The following LIFR variants were observed in gnomAD, a reference collection of about 807,000 sequenced individuals.
LIFR encodes the protein leukemia inhibitory factor receptor.
Under a neutral mutation model 122.2 loss-of-function variants are expected in LIFR, and 84 were observed. The ratio of observed to expected loss-of-function variants is 0.69; its 90% confidence interval spans 0.58 to 0.82. The LOEUF is 0.82. Ranked by LOEUF, LIFR falls within the 40% of genes least tolerant of loss-of-function variation. The pLI is 0.00. For synonymous variants in LIFR, 422 were observed against 434.7 expected (o/e 0.97, Z 0.36); for missense variants, 1,294 against 1,311.6 (o/e 0.99, Z 0.21).
intron 1 of LIFR, among the ~76,000 whole-genome samples, chr5:38,567,387 T>C (rs1217882298): frequency 6.6e-6 from 1 of 152,082 alleles, no homozygotes; most frequent in Admixed American, 6.5e-5. Context: ...CGTTTCTCTG[T>C]CTCTCATTCT....
At chr5:38,526,273 A>G (rs1746674316) in intron 4 of LIFR, among the ~76,000 whole-genome samples, 1 of 152,154 alleles carries the variant, frequency 6.6e-6, no homozygotes, top group South Asian at 2.1e-4. Flanking sequence ...ACATAAGAAG[A>G]TAAGAGTATT....
chr5:38,540,654 G>A (rs1747542824), intron 1 of LIFR, among the ~76,000 whole-genome samples: 1 of 152,134 alleles, frequency 6.6e-6, no homozygotes, highest in East Asian at 1.9e-4. Context: ...CGAGCGGCCA[G>A]TACAGCCACA....
chr5:38,486,879 T>A (rs1219768842), intron 16 of LIFR, among the ~76,000 whole-genome samples: 1 of 152,244 alleles, frequency 6.6e-6, no homozygotes, highest in Non-Finnish European at 1.5e-5. Context: ...TGGATTACTA[T>A]GATTATATAA....
At chr5:38,552,385 G>A (rs952369880) in intron 1 of LIFR, among the ~76,000 whole-genome samples, 2 of 152,118 alleles carry the variant, frequency 1.3e-5, no homozygotes, top group African/African-American at 2.4e-5. Context: ...TTGGGAAAAG[G>A]AAATGCCACA....
intron 9 of LIFR, among the ~76,000 whole-genome samples, chr5:38,505,435 C>CAA (rs1462666597): frequency 6.6e-6 from 1 of 151,698 alleles, no homozygotes; most frequent in African/African-American, 2.4e-5. Flanking sequence ...CACACACACA[C>CAA]ACACACACAC....
At chr5:38,565,555 T>C (rs1748992408) in intron 1 of LIFR, among the ~76,000 whole-genome samples, 1 of 151,386 alleles carries the variant, frequency 6.6e-6, no homozygotes, top group South Asian at 2.1e-4. Flanking sequence ...AAGCATCAAG[T>C]GGATAAAATA....
rs191827634 is a variant in LIFR, at chr5:38,502,093, T to C, written c.1600+544A>G. 9.9e-5 allele frequency among the ~76,000 whole-genome samples: 15 copies of C among 152,116 alleles called. No individual in the cohort carries two copies. In the East Asian group the frequency reaches 2.5e-3, roughly 26 times the overall value. The stretch of plus-strand genomic sequence containing the variant: ...CATTATCGTAATATGGTGGCAATCA[T>C]AGTATAGATAGAGGAGCCCTGGCTT... On this transcript the variant is annotated intron_variant, in intron 11 of 19. Transcript: ENST00000453190.
intron 2 of LIFR, among the ~76,000 whole-genome samples, chr5:38,604,507 G>T (rs1479796007): frequency 6.6e-6 from 1 of 152,074 alleles, no homozygotes; most frequent in African/African-American, 2.4e-5. Flanking sequence ...AGGAGTTTGA[G>T]ACCAGCCTGG....
chr5:38,552,613 CT>C (rs1367797104), intron 1 of LIFR, among the ~76,000 whole-genome samples: 1 of 152,174 alleles, frequency 6.6e-6, no homozygotes, highest in Non-Finnish European at 1.5e-5. Flanking sequence ...TTCTGAAAAT[CT>C]CTCATAAATC....
At chr5:38,583,801 G>A (rs1749663843) in intron 1 of LIFR, among the ~76,000 whole-genome samples, 1 of 152,144 alleles carries the variant, frequency 6.6e-6, no homozygotes, top group Non-Finnish European at 1.5e-5. Context: ...TGTTGTGGGA[G>A]GGATCCAGTG....
intron 1 of LIFR, among the ~76,000 whole-genome samples, chr5:38,578,759 G>A (rs1161101487): frequency 1.3e-5 from 2 of 152,094 alleles, no homozygotes; most frequent in Admixed American, 1.3e-4. Flanking sequence ...GTTTCACCAT[G>A]TTGGATAGGC....
intron 1 of LIFR, among the ~76,000 whole-genome samples, chr5:38,542,250 T>C (rs908829067): frequency 6.6e-6 from 1 of 152,214 alleles, no homozygotes; most frequent in African/African-American, 2.4e-5. Flanking sequence ...CTTGAACGTT[T>C]AGCAACTTGA....
In LIFR at chr5:38,492,999, G is replaced by A. The variant is rs543499952; in HGVS notation, c.2065+607C>T. 3.9e-5 allele frequency among the ~76,000 whole-genome samples: 6 copies of A among 152,246 alleles called. No individual in the cohort carries two copies. In the East Asian group the frequency reaches 7.7e-4, roughly 20 times the overall value. On this transcript the variant is annotated intron_variant, in intron 14 of 19. Transcript: ENST00000453190. The stretch of plus-strand genomic sequence containing the variant: ...TGCATCCCATAGAGGGACACTCACC[G>A]GCAGCTCACAAGCTCCTGAGCATCA...
chr5:38,597,211 T>C (rs1180715197), upstream of LIFR, among the ~76,000 whole-genome samples: 1 of 152,110 alleles, frequency 6.6e-6, no homozygotes, highest in Non-Finnish European at 1.5e-5. Flanking sequence ...ACAAGAACAT[T>C]GGGTGGTGAG....
In LIFR at chr5:38,481,715, T is replaced by G. The variant is rs1743994800; in HGVS notation, c.3174A>C (p.Gly1058=). 1 of 1,614,040 alleles carries G rather than the reference T, an allele frequency of 6.2e-7. No individual in the cohort carries two copies. Among genetic ancestry groups the G allele is most frequent in the Admixed American group, 1.7e-5 (1 of 60,002 alleles). ...GTCGGGAATTAATGGAGCATGGACT[T>G]CCAAATGAGACAATCTCACTGTTGC... is the stretch of plus-strand genomic sequence containing the variant. The part of the protein sequence containing the change: ...IDSNSEIVSF[G]SPCSINSRQF... Residue 1058 remains glycine (G), a synonymous_variant, in exon 20 of 20, where the codon GGA becomes GGC. Transcript: ENST00000453190.
intron 1 of LIFR, chr5:38,550,246 C>G: frequency 1.0e-6 from 1 of 976,534 alleles, no homozygotes; most frequent in Non-Finnish European, 1.2e-6. Context: ...CAATCATATC[C>G]CCATATGGCC....
chr5:38,582,058 C>CTTTT (rs35430300), intron 1 of LIFR, among the ~76,000 whole-genome samples: 2 of 145,214 alleles, frequency 1.4e-5, no homozygotes. Flanking sequence ...TTTTTTTTTC[C>CTTTT]TTTTTTTTTT....
chr5:38,530,168 C>A (rs1746925510), intron 2 of LIFR, among the ~76,000 whole-genome samples: 1 of 152,126 alleles, frequency 6.6e-6, no homozygotes, highest in African/African-American at 2.4e-5. Context: ...TACAGAGGAG[C>A]CAGGAAGCTT....
chr5:38,525,356 T>C lies in LIFR; in HGVS notation c.398-1774A>G, dbSNP rs149347404. On this transcript the variant is annotated intron_variant, in intron 4 of 19. Transcript: ENST00000453190. ...ACCCTTTCTTGCCTCATTTCTATCC[T>C]AGAAGCTCAAGGACCAATTACATAT... is the stretch of plus-strand genomic sequence containing the variant. Among the ~76,000 whole-genome samples the C allele has an allele frequency of 4.9e-3, 750 of 152,308 alleles. 15 individuals carry two copies. Among genetic ancestry groups the C allele is most frequent in the Admixed American group, 0.042 (647 of 15,302 alleles).
Sources: allele counts gnomAD v4.1 joint callset (sites outside exome capture counted in the v4.1 genomes callset), GRCh38; gene constraint gnomAD v4.1.1; transcripts MANE v1.5; gene names NCBI Gene and HGNC (gene_info 2026-07-23, HGNC 2026-07-21).